Variants in NALCN observed in about 807,000 individuals in gnomAD.
NALCN encodes sodium leak channel NALCN.
In NALCN, 111 loss-of-function variants were observed where a neutral mutation model predicts 225.3. That is an observed-to-expected ratio of 0.49 (90% CI 0.42 to 0.58). The LOEUF is 0.58. Ranked by LOEUF, NALCN falls within the 20% of genes least tolerant of loss-of-function variation. The pLI, the probability that NALCN is intolerant of heterozygous loss-of-function variation, is 0.00. For synonymous variants in NALCN, 764 were observed against 769.0 expected, an observed-to-expected ratio of 0.99 and a Z score of 0.11; for missense variants, 1,378 against 2,202.4, an observed-to-expected ratio of 0.63 and a Z score of 7.49.
intron 9 of NALCN, among the ~76,000 whole-genome samples, chr13:101,290,998 C>T (rs2043532138): frequency 6.6e-6 from 1 of 151,942 alleles, no homozygotes; most frequent in Non-Finnish European, 1.5e-5. Context: ...ACACGTGAAA[C>T]AAAACCAAAA....
At chr13:101,188,643 T>C (rs1178383334) in intron 14 of NALCN, among the ~76,000 whole-genome samples, 1 of 148,262 alleles carries the variant, frequency 6.7e-6, no homozygotes, top group East Asian at 1.9e-4. Context: ...TACACATATA[T>C]ACACACACAC....
chr13:101,235,427 A>T (rs1200618537), intron 12 of NALCN, among the ~76,000 whole-genome samples: 2 of 152,172 alleles, frequency 1.3e-5, no homozygotes, highest in African/African-American at 4.8e-5. Flanking sequence ...ATAGCTTTGT[A>T]AAAAAGGTAT....
intron 15 of NALCN, among the ~76,000 whole-genome samples, chr13:101,169,906 A>G (rs1303739129): frequency 2.0e-5 from 3 of 152,254 alleles, no homozygotes; most frequent in African/African-American, 7.2e-5. Context: ...TTAAAATTAC[A>G]TTAGTTTGAG....
At chr13:101,084,524 T>G (rs549762362) in intron 30 of NALCN, among the ~76,000 whole-genome samples, 1 of 152,342 alleles carries the variant, frequency 6.6e-6, no homozygotes, top group Non-Finnish European at 1.5e-5. Flanking sequence ...TTCAGACTTT[T>G]GTGCTTACGC....
chr13:101,226,086 C>A (rs963838658), intron 13 of NALCN, among the ~76,000 whole-genome samples: 1 of 152,060 alleles, frequency 6.6e-6, no homozygotes, highest in Non-Finnish European at 1.5e-5. Flanking sequence ...AGGAGATCGT[C>A]GTCTTGGAGA....
intron 17 of NALCN, among the ~76,000 whole-genome samples, chr13:101,139,315 C>G (rs769460423): frequency 6.6e-6 from 1 of 152,188 alleles, no homozygotes; most frequent in African/African-American, 2.4e-5. Flanking sequence ...CCCCAGCCCC[C>G]TTCTGGGGTT....
rs16958729 is a variant in NALCN, at chr13:101,267,964, T to C, written c.1135-9390A>G. Among the ~76,000 whole-genome samples, 1,192 of 152,266 alleles carry C rather than the reference T, an allele frequency of 7.8e-3. 17 individuals are homozygous for C. Among genetic ancestry groups the C allele is most frequent in the African/African-American group, 0.028 (1,153 of 41,540 alleles). On this transcript the variant is annotated intron_variant, in intron 10 of 43. Coordinates refer to ENST00000251127, the MANE Select transcript of NALCN (RefSeq NM_052867.4). ...GCTTACTATTACTGAAGTGGAGCAA[T>C]GTGATTGGTTCTCACAACCAGAACA...
At chr13:101,321,634 C>A (rs1191344134) in intron 7 of NALCN, among the ~76,000 whole-genome samples, 1 of 152,078 alleles carries the variant, frequency 6.6e-6, no homozygotes, top group Non-Finnish European at 1.5e-5. Context: ...TTAGTAATCA[C>A]ACACACACAA....
intron 14 of NALCN, among the ~76,000 whole-genome samples, chr13:101,189,409 C>T (rs992155259): frequency 2.0e-5 from 3 of 152,058 alleles, no homozygotes; most frequent in Non-Finnish European, 4.4e-5. Context: ...ATGCACAAAC[C>T]GTCTTATCTA....
chr13:101,083,677 C>A (rs775637370), intron 31 of NALCN, 34 bp downstream of exon 31: 2 of 1,599,550 alleles, frequency 1.3e-6, no homozygotes, highest in Non-Finnish European at 1.7e-6. Flanking sequence ...CACACTAGTG[C>A]CCAACATGAA....
chr13:101,371,323 A>C (rs1314003722), intron 6 of NALCN, among the ~76,000 whole-genome samples: 1 of 151,448 alleles, frequency 6.6e-6, no homozygotes, highest in Non-Finnish European at 1.5e-5. Flanking sequence ...TCTTTCTTTC[A>C]TTTTTACTTC....
At chr13:101,297,272 A>T (rs951374571) in intron 7 of NALCN, among the ~76,000 whole-genome samples, 1 of 152,190 alleles carries the variant, frequency 6.6e-6, no homozygotes, top group African/African-American at 2.4e-5. Flanking sequence ...CTATTCTAAC[A>T]ATGGTAATAC....
intron 9 of NALCN, among the ~76,000 whole-genome samples, chr13:101,291,279 C>T (rs1449313191): frequency 1.3e-5 from 2 of 152,150 alleles, no homozygotes; most frequent in Non-Finnish European, 2.9e-5. Context: ...AAATTCTAAT[C>T]CTACACATAG....
At chr13:101,169,858 T>C (rs1262361299) in intron 15 of NALCN, among the ~76,000 whole-genome samples, 1 of 152,240 alleles carries the variant, frequency 6.6e-6, no homozygotes, top group Non-Finnish European at 1.5e-5. Flanking sequence ...TAGTTCTCAA[T>C]AGATAGCATT....
intron 7 of NALCN, among the ~76,000 whole-genome samples, chr13:101,294,465 T>G (rs192909632): frequency 1.3e-5 from 2 of 151,970 alleles, no homozygotes; most frequent in East Asian, 3.9e-4. Flanking sequence ...TTATTATGTA[T>G]CAATAAGTAT....
chr13:101,083,714 G>A lies in NALCN; in HGVS notation c.3580C>T (p.Pro1194Ser). Residue 1194 changes from proline to serine, a missense_variant, in exon 31 of 44, where the codon CCG becomes TCG. By Grantham distance (74) the Pro-to-Ser change is moderately conservative. This residue lies in a region of NALCN where 98 missense variants were observed against 156.6 expected (regional missense o/e 0.63). Coordinates refer to ENST00000251127, the MANE Select transcript of NALCN (RefSeq NM_052867.4). ...IAQPLHLPPRPDNDGFRAKMY... is the reference protein window; with the variant it reads ...IAQPLHLPPRSDNDGFRAKMY... ...AAAATCAGAGCATTTTGGGTACCCGGGCGAGGCGGAAGATGAAGAGGCTGT... is the reference window on the plus strand; with the variant it reads ...AAAATCAGAGCATTTTGGGTACCCGAGCGAGGCGGAAGATGAAGAGGCTGT... The A allele has an allele frequency of 6.2e-7, 1 of 1,613,344 alleles. No homozygotes were observed. Among genetic ancestry groups the A allele is most frequent in the Non-Finnish European group, 8.5e-7 (1 of 1,179,444 alleles).
chr13:101,216,900 T>C (rs1398309796), intron 13 of NALCN, among the ~76,000 whole-genome samples: 4 of 152,116 alleles, frequency 2.6e-5, no homozygotes, highest in Non-Finnish European at 5.9e-5. Flanking sequence ...ATTTAGAGAA[T>C]GAAAATTAAG....
intron 7 of NALCN, among the ~76,000 whole-genome samples, chr13:101,315,875 AAGCT>A (rs1424265556): frequency 2.3e-5 from 1 of 44,040 alleles, no homozygotes. Context: ...TCCTCCTTTT[AAGCT>A]ACCAAGCCTG....
intron 13 of NALCN, among the ~76,000 whole-genome samples, chr13:101,196,529 G>T (rs1328897599): frequency 6.6e-6 from 1 of 152,096 alleles, no homozygotes; most frequent in Admixed American, 6.6e-5. Flanking sequence ...CAGGGGCAGA[G>T]AATTATTCCA....
Sources: gnomAD v4.1 joint callset for allele counts (sites outside exome capture counted in the v4.1 genomes callset) on GRCh38, gnomAD v4.1.1 for gene constraint, gnomAD v4.1.1 regional missense constraint, MANE v1.5 for transcripts, NCBI Gene and HGNC (gene_info 2026-07-23, HGNC 2026-07-21) for gene names.